Variants in PPP1R9A observed in about 807,000 individuals in gnomAD.
The protein encoded by PPP1R9A is protein phosphatase 1 regulatory subunit 9A, also known as neurabin-1.
PPP1R9A carries 59 observed loss-of-function variants against 141.9 expected under a neutral mutation model. The ratio of observed to expected loss-of-function variants is 0.42; its 90% CI spans 0.34 to 0.52. PPP1R9A has a LOEUF of 0.52. PPP1R9A is among the 20% of genes least tolerant of loss of function. The probability of loss-of-function intolerance (pLI) is 0.10; values close to 1 mark genes in which losing one functional copy is unlikely to be tolerated. For synonymous variants in PPP1R9A, 500 were observed against 569.7 expected (o/e 0.88, Z 1.74); for missense variants, 1,444 against 1,611.9 (o/e 0.90, Z 1.78).
At chr7:95,170,651 T>C (rs1831964948) in intron 5 of PPP1R9A, among the ~76,000 whole-genome samples, 1 of 151,430 alleles carries the variant, frequency 6.6e-6, no homozygotes, top group South Asian at 2.1e-4. Context: ...AAATTGAAGA[T>C]GAAATGAAGA....
intron 2 of PPP1R9A, among the ~76,000 whole-genome samples, chr7:95,077,166 T>C (rs1322859714): frequency 6.6e-6 from 1 of 152,152 alleles, no homozygotes; most frequent in Non-Finnish European, 1.5e-5. Context: ...GCAATGATTG[T>C]TATGAGATAA....
chr7:95,060,713 C>T (rs570094201), intron 2 of PPP1R9A, among the ~76,000 whole-genome samples: 7 of 152,240 alleles, frequency 4.6e-5, no homozygotes, highest in Non-Finnish European at 8.8e-5. Flanking sequence ...CACTTTTACT[C>T]GACCCAAACC....
intron 2 of PPP1R9A, among the ~76,000 whole-genome samples, chr7:95,109,951 A>G (rs999154743): frequency 1.3e-5 from 2 of 152,164 alleles, no homozygotes; most frequent in Admixed American, 6.5e-5. Flanking sequence ...TACTATGGAA[A>G]TGTGCATTTT....
At chr7:94,963,605 G>A (rs1453609809) in intron 2 of PPP1R9A, among the ~76,000 whole-genome samples, 2 of 152,110 alleles carry the variant, frequency 1.3e-5, no homozygotes, top group Non-Finnish European at 2.9e-5. Context: ...ATGTTGTAGT[G>A]TATACCAATA....
chr7:95,269,889 G>T (rs561646829), intron 14 of PPP1R9A, among the ~76,000 whole-genome samples: 1 of 152,124 alleles, frequency 6.6e-6, no homozygotes, highest in East Asian at 1.9e-4. Context: ...AAACACTAAC[G>T]TAGTCATATA....
rs1806174100 is a variant in PPP1R9A at position 95,290,306 on chromosome 7, C to CA, written c.*4dup. 1 of 1,606,540 alleles carries CA rather than the reference C, an allele frequency of 6.2e-7. No homozygotes were observed. Among genetic ancestry groups the CA allele is most frequent in the Non-Finnish European group, 8.5e-7 (1 of 1,176,266 alleles). ...CCGAGGGTGCTGGTGAGCAGTAACA[C>CA]ATACCCTCTTACAGATGATGGAGAT... is the stretch of plus-strand genomic sequence containing the variant. On this transcript the variant is annotated 3_prime_UTR_variant, in exon 20 of 20. Coordinates refer to ENST00000433360, the MANE Select transcript of PPP1R9A (RefSeq NM_001166160.2).
chr7:95,010,984 A>C (rs752857816), intron 2 of PPP1R9A, among the ~76,000 whole-genome samples: 1 of 152,176 alleles, frequency 6.6e-6, no homozygotes. Flanking sequence ...AGTCTGCCTG[A>C]CAGAATGCAG....
intron 1 of PPP1R9A, among the ~76,000 whole-genome samples, chr7:94,909,359 G>A (rs1210632063): frequency 3.3e-5 from 5 of 152,074 alleles, no homozygotes; most frequent in Admixed American, 6.5e-5. Flanking sequence ...GTATTGCTTT[G>A]GGGATGCTGT....
At chr7:95,016,873 A>C (rs1805181267) in intron 2 of PPP1R9A, among the ~76,000 whole-genome samples, 1 of 152,066 alleles carries the variant, frequency 6.6e-6, no homozygotes, top group Non-Finnish European at 1.5e-5. Flanking sequence ...TGAAGTCCTA[A>C]CCTCTGGTAC....
chr7:95,027,448 G>A lies in PPP1R9A; in HGVS notation c.1396-83811G>A, dbSNP rs954589504. ...AACCAGTCCCCATGAGATGAGCTGTGTACCTCGGTTGGAAATGCAGAAATC... is the reference window on the plus strand; with the variant it reads ...AACCAGTCCCCATGAGATGAGCTGTATACCTCGGTTGGAAATGCAGAAATC... On this transcript the variant is annotated intron_variant, in intron 2 of 19. Coordinates refer to ENST00000433360, the MANE Select transcript of PPP1R9A (RefSeq NM_001166160.2). Among the ~76,000 whole-genome samples the A allele has an allele frequency of 3.3e-5, 5 of 152,262 alleles. 1 individual carries two copies. Among genetic ancestry groups the A allele is most frequent in the Admixed American group, 3.3e-4 (5 of 15,296 alleles).
chr7:95,002,948 A>G (rs1249934194), intron 2 of PPP1R9A, among the ~76,000 whole-genome samples: 1 of 152,144 alleles, frequency 6.6e-6, no homozygotes, highest in African/African-American at 2.4e-5. Context: ...GACCCAGAGG[A>G]TGTGAGTATG....
At chr7:95,078,455 C>G (rs1318223571) in intron 2 of PPP1R9A, among the ~76,000 whole-genome samples, 1 of 151,762 alleles carries the variant, frequency 6.6e-6, no homozygotes, top group Non-Finnish European at 1.5e-5. Context: ...GTGCATGTGT[C>G]TTTATAGCAG....
At chr7:94,941,851 A>C (rs912192297) in intron 2 of PPP1R9A, among the ~76,000 whole-genome samples, 1 of 152,116 alleles carries the variant, frequency 6.6e-6, no homozygotes, top group Non-Finnish European at 1.5e-5. Context: ...AAAATCATTG[A>C]ATTTTTAGAG....
intron 2 of PPP1R9A, among the ~76,000 whole-genome samples, chr7:95,081,964 G>A (rs1313429258): frequency 6.6e-6 from 1 of 152,136 alleles, no homozygotes; most frequent in East Asian, 1.9e-4. Flanking sequence ...CACCACCTTG[G>A]CAGCCACTTC....
chr7:95,273,657 G>A lies in PPP1R9A; in HGVS notation c.3125-242G>A, dbSNP rs1228029139. Among the ~76,000 whole-genome samples, 3 of 152,184 alleles carry A rather than the reference G, an allele frequency of 2.0e-5. No individual in the cohort carries two copies. In the East Asian group the frequency reaches 5.8e-4, roughly 29 times the overall value. On this transcript the variant is annotated intron_variant, in intron 14 of 19. Transcript: ENST00000433360. The stretch of plus-strand genomic sequence containing the variant: ...TTTATTCTCCCTTGTTCATTCCCAT[G>A]CAGTTGAAGCTAAAACTCTTTGTGA...
chr7:95,246,169 C>T (rs62467347), intron 8 of PPP1R9A, among the ~76,000 whole-genome samples: 15,397 of 152,116 alleles, frequency 0.1, 960 homozygotes, highest in Non-Finnish European at 0.14. Context: ...ATCATCCTTC[C>T]CATGTGTCCC....
chr7:95,282,181 G>T (rs1220649903), intron 16 of PPP1R9A, among the ~76,000 whole-genome samples: 2 of 122,158 alleles, frequency 1.6e-5, no homozygotes, highest in African/African-American at 7.4e-5. Context: ...AAATAAAAAA[G>T]TTAGCCAGGC....
intron 8 of PPP1R9A, among the ~76,000 whole-genome samples, chr7:95,238,501 T>A (rs1441641632): frequency 6.6e-6 from 1 of 152,140 alleles, no homozygotes; most frequent in Non-Finnish European, 1.5e-5. Flanking sequence ...CTGCTTCAGA[T>A]CCTCAGTTTT....
chr7:94,948,040 T>C (rs1796077951), intron 2 of PPP1R9A, among the ~76,000 whole-genome samples: 1 of 152,106 alleles, frequency 6.6e-6, no homozygotes, highest in Admixed American at 6.6e-5. Flanking sequence ...CTGTATACAG[T>C]CCATCTAGGT....
Sources: gnomAD v4.1 joint callset for allele counts (sites outside exome capture counted in the v4.1 genomes callset) on GRCh38, gnomAD v4.1.1 for gene constraint, MANE v1.5 for transcripts, NCBI Gene and HGNC (gene_info 2026-07-23, HGNC 2026-07-21) for gene names.